Variants in SOX6 observed in about 807,000 individuals in gnomAD.
SOX6 encodes the protein SRY-box transcription factor 6.
Under a neutral mutation model 97.8 loss-of-function variants are expected in SOX6, and 11 were observed. That is an observed-to-expected ratio of 0.11 (90% CI 0.07 to 0.19). The LOEUF is 0.19. Ranked by LOEUF, SOX6 falls within the 10% of genes least tolerant of loss-of-function variation. The pLI is 1.00. For missense variants in SOX6, 810 were observed against 1,039.5 expected (o/e 0.78, Z 3.04); for synonymous variants, 360 against 371.4 (o/e 0.97, Z 0.35).
At chr11:16,142,733 C>T (rs994891837) in intron 6 of SOX6, among the ~76,000 whole-genome samples, 10 of 151,590 alleles carry the variant, frequency 6.6e-5, no homozygotes, top group Admixed American at 2.0e-4. Context: ...ATTCGATCAA[C>T]GGGAATAAAG....
intron 4 of SOX6, among the ~76,000 whole-genome samples, chr11:16,212,136 T>C (rs925949934): frequency 5.3e-5 from 8 of 152,122 alleles, no homozygotes; most frequent in Admixed American, 6.5e-5. Flanking sequence ...TGTAAACAGA[T>C]ATGAGGCCTA....
At chr11:16,272,542 C>T (rs955181595) in intron 3 of SOX6, among the ~76,000 whole-genome samples, 9 of 151,738 alleles carry the variant, frequency 5.9e-5, no homozygotes, top group East Asian at 5.8e-4. Flanking sequence ...AGTAATTTCA[C>T]GATCTTTAGC....
At chr11:16,651,551 A>G (rs148568196) in intron 3 of SOX6, among the ~76,000 whole-genome samples, 22 of 152,320 alleles carry the variant, frequency 1.4e-4, no homozygotes, top group African/African-American at 4.6e-4. Flanking sequence ...GATGTAGAAA[A>G]AGCATTTGAC....
chr11:16,402,947 C>G (rs1858600005), intron 1 of SOX6: 1 of 1,017,002 alleles, frequency 9.8e-7, no homozygotes, highest in Non-Finnish European at 1.4e-6. Flanking sequence ...AATTTTTACA[C>G]CAAGGTGGGG....
At chr11:16,283,131 A>G (rs1854626492) in intron 3 of SOX6, among the ~76,000 whole-genome samples, 1 of 135,100 alleles carries the variant, frequency 7.4e-6, no homozygotes, top group African/African-American at 2.8e-5. Flanking sequence ...GCTGAGGGTC[A>G]AAGCCAAATA....
intron 4 of SOX6, among the ~76,000 whole-genome samples, chr11:16,591,480 A>T (rs1848153693): frequency 6.6e-6 from 1 of 152,154 alleles, no homozygotes; most frequent in Admixed American, 6.5e-5. Flanking sequence ...GAGAAGGTGA[A>T]TGCTTTTCAA....
At chr11:16,565,729 A>T (rs1306045584) in intron 4 of SOX6, among the ~76,000 whole-genome samples, 42 of 6,446 alleles carry the variant, frequency 6.5e-3, no homozygotes, top group African/African-American at 0.019. Context: ...AATAAAAAAA[A>T]AAAAAAAAAA....
Position 16,734,400 on chromosome 11 carries a change from A to AT in SOX6, n.353+1938dup, listed in dbSNP as rs571207204. On this transcript the variant is annotated intron_variant and non_coding_transcript_variant, in intron 2 of 5. Transcript: ENST00000524520. ...CACAGTGGAATAATGCATTTTTCACATTTTTTCCCTTTGCTTCAATGACAC... is the reference window on the plus strand; with the variant it reads ...CACAGTGGAATAATGCATTTTTCACATTTTTTTCCCTTTGCTTCAATGACAC... Among the ~76,000 whole-genome samples, 35 of 152,208 alleles carry AT rather than the reference A, an allele frequency of 2.3e-4. No individual in the cohort carries two copies. The South Asian group carries it at 6.4e-3, about 28-fold the overall frequency.
intron 1 of SOX6, among the ~76,000 whole-genome samples, chr11:16,372,900 G>A (rs1307451557): frequency 6.6e-6 from 1 of 152,044 alleles, no homozygotes; most frequent in African/African-American, 2.4e-5. Context: ...CCCATCACTA[G>A]GAAGATTTCA....
rs35710330 is a variant in SOX6 at position 16,280,377 on chromosome 11, CTT to C, written c.445+38067_445+38068del. Among the ~76,000 whole-genome samples the C allele has an allele frequency of 3.8e-3, 557 of 147,388 alleles. 2 individuals are homozygous for C. Among genetic ancestry groups the C allele is most frequent in the Non-Finnish European group, 4.3e-3 (290 of 66,672 alleles). ...AGAAAGTTATAATACTTTATTTGAG[CTT>C]TTTTTTTTTTTATAGAAACCGTATG... is the stretch of plus-strand genomic sequence containing the variant. On this transcript the variant is annotated intron_variant, in intron 3 of 15. Coordinates refer to ENST00000683767, the MANE Select transcript of SOX6 (RefSeq NM_001367873.1).
At chr11:16,400,932 A>G (rs1336966328) in intron 1 of SOX6, among the ~76,000 whole-genome samples, 4 of 151,536 alleles carry the variant, frequency 2.6e-5, no homozygotes, top group African/African-American at 4.8e-5. Context: ...AATGGTGCCA[A>G]AAACAAACCA....
At chr11:16,254,145 A>C (rs1328664909) in intron 3 of SOX6, among the ~76,000 whole-genome samples, 1 of 152,076 alleles carries the variant, frequency 6.6e-6, no homozygotes, top group Non-Finnish European at 1.5e-5. Context: ...TCAAAAGTAA[A>C]GTAGAAATGA....
intron 1 of SOX6, among the ~76,000 whole-genome samples, chr11:16,463,714 T>C (rs1157964608): frequency 6.6e-6 from 1 of 152,200 alleles, no homozygotes; most frequent in Non-Finnish European, 1.5e-5. Flanking sequence ...GGTACTATTG[T>C]GGGAGAGGTG....
At chr11:16,502,030 C>T (rs975633010) in intron 4 of SOX6, among the ~76,000 whole-genome samples, 16 of 152,244 alleles carry the variant, frequency 1.1e-4, no homozygotes, top group African/African-American at 3.9e-4. Flanking sequence ...TATTGCGGCA[C>T]TATTCACAAT....
At chr11:16,111,970 G>T (rs1849241766) in intron 6 of SOX6, 47 bp from the exon 7 acceptor site, 4 of 1,610,068 alleles carry the variant, frequency 2.5e-6, no homozygotes, top group Non-Finnish European at 3.4e-6. Flanking sequence ...GCAAATGTAT[G>T]CCAAGAAGAA....
intron 3 of SOX6, among the ~76,000 whole-genome samples, chr11:16,308,100 G>A (rs551434480): frequency 3.3e-5 from 5 of 152,276 alleles, no homozygotes; most frequent in Non-Finnish European, 5.9e-5. Context: ...GGCTTTGTCC[G>A]TAAGTGCTTC....
intron 3 of SOX6, among the ~76,000 whole-genome samples, chr11:16,682,934 T>C (rs575980109): frequency 6.6e-6 from 1 of 152,280 alleles, no homozygotes; most frequent in African/African-American, 2.4e-5. Flanking sequence ...AGCATTCCTA[T>C]ACACCAATAA....
intron 12 of SOX6, among the ~76,000 whole-genome samples, chr11:16,024,683 A>C (rs1266772407): frequency 1.3e-5 from 2 of 151,996 alleles, no homozygotes. Context: ...CTGGACCATA[A>C]GCATTTCGAG....
At chr11:16,155,344 T>A (rs570889198) in intron 6 of SOX6, among the ~76,000 whole-genome samples, 23 of 152,166 alleles carry the variant, frequency 1.5e-4, no homozygotes, top group Non-Finnish European at 2.6e-4. Context: ...TCTCCATGCT[T>A]CACTTTTGTG....
Sources: gnomAD v4.1 joint callset for allele counts (sites outside exome capture counted in the v4.1 genomes callset) on GRCh38, gnomAD v4.1.1 for gene constraint, MANE v1.5 for transcripts, NCBI Gene and HGNC (gene_info 2026-07-23, HGNC 2026-07-21) for gene names.